CSMD1: variants seen among roughly 807,000 people sequenced by gnomAD.
CSMD1 encodes CUB and sushi domain-containing protein 1.
In CSMD1, 213 loss-of-function variants were observed where a neutral mutation model predicts 417.5. The ratio of observed to expected loss-of-function variants is 0.51; its 90% CI spans 0.46 to 0.57. The LOEUF is 0.57. Ranked by LOEUF, CSMD1 falls within the 20% of genes least tolerant of loss-of-function variation. The probability of loss-of-function intolerance (pLI) is 0.00; values close to 1 mark genes in which losing one functional copy is unlikely to be tolerated. For missense variants in CSMD1, 6,923 were observed against 4,529.7 expected (o/e 1.53, Z -15.17); for synonymous variants, 2,862 against 1,736.8 (o/e 1.65, Z -16.11).
chr8:4,309,799 T>C (rs1798456101), intron 3 of CSMD1, among the ~76,000 whole-genome samples: 1 of 152,142 alleles, frequency 6.6e-6, no homozygotes, highest in African/African-American at 2.4e-5. Context: ...CTCACCTCCA[T>C]ATAGGTCCCT....
At chr8:4,825,489 G>T (rs569708660) in intron 1 of CSMD1, among the ~76,000 whole-genome samples, 3 of 152,040 alleles carry the variant, frequency 2.0e-5, no homozygotes, top group Non-Finnish European at 4.4e-5. Context: ...CCTCTTGAAA[G>T]ATCGCCCGAT....
intron 3 of CSMD1, among the ~76,000 whole-genome samples, chr8:4,401,299 T>C (rs915681692): frequency 1.3e-5 from 2 of 152,220 alleles, no homozygotes; most frequent in Admixed American, 6.5e-5. Context: ...AGTGCTTTTA[T>C]AATATTTCTA....
chr8:4,108,598 A>C, intron 3 of CSMD1, among the ~76,000 whole-genome samples: 1 of 152,214 alleles, frequency 6.6e-6, no homozygotes, highest in Non-Finnish European at 1.5e-5. Flanking sequence ...CCACACGGCA[A>C]CAGCACAGGT....
intron 7 of CSMD1, among the ~76,000 whole-genome samples, chr8:3,690,150 G>A (rs113467971): frequency 2.6e-5 from 4 of 152,296 alleles, no homozygotes; most frequent in African/African-American, 7.2e-5. Context: ...CTTAAGCCCA[G>A]GAGTTTGAGA....
rs529783825 is a variant in CSMD1, at chr8:4,649,887, C to G, written c.86-12329G>C. Among the ~76,000 whole-genome samples the G allele has an allele frequency of 1.8e-3, 281 of 152,244 alleles. 1 individual carries two copies. The highest frequency in any genetic ancestry group is 6.6e-3 in the African/African-American group (273 of 41,560). ...AGGTTTGGAATTTCAATAATATTTG[C>G]AGGTGTATGACTGGGGGCACCATGT... On this transcript the variant is annotated intron_variant, in intron 1 of 69. Transcript: ENST00000635120.
chr8:4,004,467 G>A (rs924822038), intron 4 of CSMD1, among the ~76,000 whole-genome samples: 1 of 150,320 alleles, frequency 6.7e-6, no homozygotes, highest in Admixed American at 6.6e-5. Context: ...AAAATAAAAT[G>A]GCCTAATTTA....
chr8:3,254,343 A>G (rs112761763), intron 26 of CSMD1, among the ~76,000 whole-genome samples: 8 of 152,042 alleles, frequency 5.3e-5, no homozygotes, highest in Admixed American at 3.3e-4. Context: ...GAATCTGACA[A>G]TTATGTGTCT....
intron 12 of CSMD1, 92 bp downstream of exon 12, chr8:3,468,620 T>C: frequency 1.4e-6 from 1 of 704,832 alleles, no homozygotes. Context: ...GTTTGACTTG[T>C]TGATTTTACT....
At chr8:4,448,248 GC>G (rs1434708598) in intron 2 of CSMD1, among the ~76,000 whole-genome samples, 1 of 152,104 alleles carries the variant, frequency 6.6e-6, no homozygotes, top group Non-Finnish European at 1.5e-5. Flanking sequence ...GGAATCAAAA[GC>G]CCATTTAGCA....
At chr8:3,539,173 C>A (rs1257960696) in intron 10 of CSMD1, among the ~76,000 whole-genome samples, 1 of 152,138 alleles carries the variant, frequency 6.6e-6, no homozygotes, top group Non-Finnish European at 1.5e-5. Flanking sequence ...GGCCGCAGGG[C>A]TCTTGCATTT....
At chr8:3,391,274 G>C (rs945920802) in intron 17 of CSMD1, among the ~76,000 whole-genome samples, 2 of 152,154 alleles carry the variant, frequency 1.3e-5, no homozygotes, top group African/African-American at 4.8e-5. Flanking sequence ...TCACACAGTA[G>C]AGTATGTACA....
intron 49 of CSMD1, among the ~76,000 whole-genome samples, chr8:3,060,924 C>T (rs1223977389): frequency 6.6e-6 from 1 of 152,148 alleles, no homozygotes; most frequent in African/African-American, 2.4e-5. Flanking sequence ...TGTGGGTATG[C>T]TGTGAAGTGT....
intron 3 of CSMD1, among the ~76,000 whole-genome samples, chr8:4,124,587 G>A (rs554638476): frequency 1.3e-5 from 2 of 152,238 alleles, no homozygotes; most frequent in East Asian, 3.9e-4. Context: ...GACCATCTGG[G>A]GTTTCCTGTG....
intron 3 of CSMD1, among the ~76,000 whole-genome samples, chr8:4,056,836 T>C (rs1189360801): frequency 1.3e-5 from 2 of 152,202 alleles, no homozygotes; most frequent in Admixed American, 6.5e-5. Flanking sequence ...ATTTCCAATT[T>C]CATCCATGTC....
Position 4,517,547 on chromosome 8 carries a change from G to T in CSMD1, c.303-97482C>A, listed in dbSNP as rs149613321. On this transcript the variant is annotated intron_variant, in intron 2 of 69. Transcript: ENST00000635120. ...CTACTGATTTCTAACTCCCTTTACT[G>T]CTTTATTCTACAGCAGTTTCATTTT... Among the ~76,000 whole-genome samples, 130 of 152,150 alleles carry T rather than the reference G, an allele frequency of 8.5e-4. 1 individual carries two copies. In the East Asian group the frequency reaches 0.016, roughly 18 times the overall value.
chr8:4,443,318 T>C (rs1038354470), intron 2 of CSMD1, among the ~76,000 whole-genome samples: 3 of 152,196 alleles, frequency 2.0e-5, no homozygotes, highest in Non-Finnish European at 4.4e-5. Context: ...TTAACTTATT[T>C]TAGAGAAAGT....
chr8:3,401,447 G>A (rs1812033099), intron 15 of CSMD1, among the ~76,000 whole-genome samples: 2 of 152,058 alleles, frequency 1.3e-5, no homozygotes, highest in South Asian at 4.1e-4. Flanking sequence ...GCTTTATCCT[G>A]ATGAAATAGA....
intron 3 of CSMD1, among the ~76,000 whole-genome samples, chr8:4,158,424 C>A (rs1323465548): frequency 1.3e-5 from 2 of 151,396 alleles, no homozygotes; most frequent in South Asian, 2.1e-4. Context: ...ATATTGCAAA[C>A]AAACAAACAA....
intron 1 of CSMD1, among the ~76,000 whole-genome samples, chr8:4,684,549 A>C (rs1341930379): frequency 6.6e-6 from 1 of 152,188 alleles, no homozygotes; most frequent in Non-Finnish European, 1.5e-5. Context: ...AGATTTTCAA[A>C]TCTAGGCTTT....
Sources: gnomAD v4.1 joint callset for allele counts (sites outside exome capture counted in the v4.1 genomes callset) on GRCh38, gnomAD v4.1.1 for gene constraint, MANE v1.5 for transcripts, NCBI Gene and HGNC (gene_info 2026-07-23, HGNC 2026-07-21) for gene names.